Variants in CYTH3 observed in about 807,000 individuals in gnomAD.
CYTH3 encodes the protein cytohesin 3.
A neutral mutation model predicts 55.1 loss-of-function variants in CYTH3; 23 were observed. The observed-to-expected ratio is 0.42, with a 90% CI of 0.30 to 0.59. The LOEUF (loss-of-function observed/expected upper bound fraction) is 0.59. Among genes scored for constraint, CYTH3 ranks in the 20% least tolerant of loss-of-function variants. CYTH3 has a pLI of 0.20. For synonymous variants in CYTH3, 249 were observed against 194.9 expected, an observed-to-expected ratio of 1.28 and a Z score of -2.31; for missense variants, 413 against 524.8, an observed-to-expected ratio of 0.79 and a Z score of 2.08.
chr7:6,232,753 T>A (rs1183560907), intron 1 of CYTH3, among the ~76,000 whole-genome samples: 1 of 152,188 alleles, frequency 6.6e-6, no homozygotes, highest in Non-Finnish European at 1.5e-5. Flanking sequence ...ACGGTCAGTT[T>A]TCTGGGCGTG....
intron 4 of CYTH3, among the ~76,000 whole-genome samples, chr7:6,179,866 ACC>A (rs1224558831): frequency 9.6e-6 from 1 of 104,488 alleles, no homozygotes; most frequent in African/African-American, 4.5e-5. Context: ...CACCACACAC[ACC>A]CACACACACC....
intron 1 of CYTH3, among the ~76,000 whole-genome samples, chr7:6,196,320 A>T (rs946192737): frequency 2.0e-5 from 3 of 152,214 alleles, no homozygotes; most frequent in Admixed American, 1.3e-4. Flanking sequence ...GAAAGCCAAT[A>T]AAGAATTTCA....
intron 1 of CYTH3, among the ~76,000 whole-genome samples, chr7:6,226,805 G>C (rs1199846400): frequency 6.6e-6 from 1 of 152,202 alleles, no homozygotes; most frequent in Non-Finnish European, 1.5e-5. Context: ...AGGGGGCCGG[G>C]CGCGGTGGCT....
chr7:6,207,222 G>T (rs1437666887), intron 1 of CYTH3, among the ~76,000 whole-genome samples: 1 of 150,188 alleles, frequency 6.7e-6, no homozygotes, highest in Admixed American at 6.7e-5. Context: ...AGCCTCCCGA[G>T]TACCTGGGAC....
intron 1 of CYTH3, among the ~76,000 whole-genome samples, chr7:6,210,753 G>A (rs1188260614): frequency 6.6e-6 from 1 of 152,122 alleles, no homozygotes; most frequent in Non-Finnish European, 1.5e-5. Flanking sequence ...TTGAGTAGTG[G>A]TGCCAGGCTT....
Position 6,170,749 on chromosome 7 carries a change from G to A in CYTH3, c.711+81C>T, listed in dbSNP as rs1213690669. Reference sequence around the variant, plus strand: ...AGGGCGGCAAGGAGGCTTGGGAGGCGTGTCTAGAGCCGCGGGCGCTGCGGC... The same window carrying A: ...AGGGCGGCAAGGAGGCTTGGGAGGCATGTCTAGAGCCGCGGGCGCTGCGGC... On this transcript the variant is annotated intron_variant, in intron 8 of 12. Transcript: ENST00000350796. This position sits in a 1 kb window ranked among gnomAD's most constrained non-coding sequence, Gnocchi z 7.8. 17 of 1,567,504 alleles carry A rather than the reference G, an allele frequency of 1.1e-5. No individual in the cohort carries two copies. In the Admixed American group the frequency reaches 2.4e-4, roughly 22 times the overall value.
At chr7:6,183,605 T>A (rs1475267877) in intron 4 of CYTH3, among the ~76,000 whole-genome samples, 2 of 152,216 alleles carry the variant, frequency 1.3e-5, no homozygotes, top group African/African-American at 4.8e-5. Context: ...AGGAATTTAT[T>A]TGCTCTGACA....
intron 1 of CYTH3, among the ~76,000 whole-genome samples, chr7:6,203,351 T>C (rs1211146509): frequency 6.6e-6 from 1 of 152,216 alleles, no homozygotes; most frequent in Non-Finnish European, 1.5e-5. Context: ...TCCATAGCTG[T>C]GAATCTGACT....
At chr7:6,258,911 T>C (rs1263616270) in intron 1 of CYTH3, among the ~76,000 whole-genome samples, 1 of 152,194 alleles carries the variant, frequency 6.6e-6, no homozygotes, top group Non-Finnish European at 1.5e-5. Flanking sequence ...CTCCAGAATG[T>C]GAAATAATAA....
intron 4 of CYTH3, among the ~76,000 whole-genome samples, chr7:6,179,058 C>T (rs1436850634): frequency 6.6e-6 from 1 of 152,238 alleles, no homozygotes; most frequent in African/African-American, 2.4e-5. Context: ...CTCATACCCT[C>T]ACGGTCCATC....
At chr7:6,227,079 A>T (rs1179000605) in intron 1 of CYTH3, among the ~76,000 whole-genome samples, 1 of 95,686 alleles carries the variant, frequency 1.0e-5, no homozygotes, top group South Asian at 2.8e-4. Context: ...GACTCTGTCT[A>T]AAAAAAAAAA....
chr7:6,259,008 G>C (rs1780207107), intron 1 of CYTH3, among the ~76,000 whole-genome samples: 1 of 152,180 alleles, frequency 6.6e-6, no homozygotes, highest in African/African-American at 2.4e-5. Flanking sequence ...TCCTCCTTCA[G>C]AGAATTCTCA....
Position 6,170,498 on chromosome 7 carries a change from G to T in CYTH3, c.823+37C>A. 10 of 1,587,828 alleles carry T rather than the reference G, an allele frequency of 6.3e-6. No homozygotes were observed. The highest frequency in any genetic ancestry group is 8.6e-6 in the Non-Finnish European group (10 of 1,159,036). On this transcript the variant is annotated intron_variant, in intron 9 of 12. Coordinates refer to ENST00000350796, the MANE Select transcript of CYTH3 (RefSeq NM_004227.4). This position sits in a 1 kb window ranked among gnomAD's most constrained non-coding sequence, Gnocchi z 7.8. ...CCGAGGGGCTGCTGCCATGGGCAGA[G>T]GGGTCACGCCCGGGTCCCGCTGGGC...
chr7:6,195,365 A>G (rs1783899868), intron 1 of CYTH3, among the ~76,000 whole-genome samples: 1 of 152,252 alleles, frequency 6.6e-6, no homozygotes, highest in Non-Finnish European at 1.5e-5. Flanking sequence ...CTTCACAAAG[A>G]TACAAATAAT....
At chr7:6,264,672 T>C (rs1780441756) in intron 1 of CYTH3, among the ~76,000 whole-genome samples, 1 of 152,156 alleles carries the variant, frequency 6.6e-6, no homozygotes, top group African/African-American at 2.4e-5. Flanking sequence ...AATGGCTGCC[T>C]CTAAGAAACA....
chr7:6,177,469 C>A (rs1445467896), intron 5 of CYTH3, among the ~76,000 whole-genome samples: 2 of 152,214 alleles, frequency 1.3e-5, no homozygotes, highest in Non-Finnish European at 2.9e-5. Flanking sequence ...AGAAAGAAAA[C>A]CACTGAGAAA....
intron 1 of CYTH3, among the ~76,000 whole-genome samples, chr7:6,235,858 A>AAAAACAAAAC (rs758116783): frequency 5.9e-5 from 9 of 152,230 alleles, no homozygotes; most frequent in Non-Finnish European, 1.0e-4. Context: ...CTCCCGCTAT[A>AAAAACAAAAC]AAAACAAAAC....
intron 1 of CYTH3, among the ~76,000 whole-genome samples, chr7:6,227,171 A>G (rs1779277654): frequency 6.6e-6 from 1 of 152,138 alleles, no homozygotes; most frequent in African/African-American, 2.4e-5. Flanking sequence ...TTTTTAAAGA[A>G]TAAAAAATCA....
At position 6,214,066 on chromosome 7, in the gene CYTH3, T is replaced by G. The variant is rs114238801; in HGVS notation, c.35-23535A>C. On this transcript the variant is annotated intron_variant, in intron 1 of 12. Coordinates refer to ENST00000350796, the MANE Select transcript of CYTH3 (RefSeq NM_004227.4). ...ATTCAAAGTTTTTATAGGGCCCATC[T>G]TGGACCACACAAATAAGAGAAAAAC... Among the ~76,000 whole-genome samples, 1,306 of 152,314 alleles carry G rather than the reference T, an allele frequency of 8.6e-3. 19 individuals carry two copies. The highest frequency in any genetic ancestry group is 0.03 in the African/African-American group (1,239 of 41,568).
Sources: gnomAD v4.1 joint callset for allele counts (sites outside exome capture counted in the v4.1 genomes callset) on GRCh38, gnomAD v4.1.1 for gene constraint, Gnocchi (gnomAD v3.1) non-coding constraint, MANE v1.5 for transcripts, NCBI Gene and HGNC (gene_info 2026-07-23, HGNC 2026-07-21) for gene names.